Variants in EML6 observed in about 807,000 individuals in gnomAD.
EML6 encodes echinoderm microtubule-associated protein-like 6.
A neutral mutation model predicts 240.1 loss-of-function variants in EML6; 154 were observed. The ratio of observed to expected loss-of-function variants is 0.64; its 90% CI spans 0.56 to 0.73. The LOEUF (loss-of-function observed/expected upper bound fraction) is 0.73, where lower values mean the gene tolerates loss of function less well. Among genes scored for constraint, EML6 ranks in the 30% least tolerant of loss-of-function variants. The pLI is 0.00. For missense variants in EML6, 2,964 were observed against 2,474.6 expected (o/e 1.20, Z -4.20); for synonymous variants, 1,148 against 899.0 (o/e 1.28, Z -4.95).
chr2:54,953,215 G>A (rs1239716730), intron 31 of EML6, among the ~76,000 whole-genome samples: 1 of 152,146 alleles, frequency 6.6e-6, no homozygotes, highest in African/African-American at 2.4e-5. Context: ...GGTGTTGAGT[G>A]CTTCACTGTT....
At chr2:54,859,042 T>C (rs975626874) in intron 11 of EML6, among the ~76,000 whole-genome samples, 3 of 152,210 alleles carry the variant, frequency 2.0e-5, no homozygotes, top group African/African-American at 7.2e-5. Flanking sequence ...AGTAGCTTTT[T>C]CTATTGCACT....
chr2:54,952,382 T>C (rs919284921), intron 30 of EML6, among the ~76,000 whole-genome samples: 2 of 152,060 alleles, frequency 1.3e-5, no homozygotes, highest in Non-Finnish European at 2.9e-5. Context: ...TAACAGACAG[T>C]AGCTCCCCTT....
chr2:54,916,943 T>C lies in EML6; in HGVS notation c.3675+8T>C. 1 of 1,522,924 alleles carries C rather than the reference T, an allele frequency of 6.6e-7. No individual in the cohort carries two copies. The highest frequency in any genetic ancestry group is 8.9e-7 in the Non-Finnish European group (1 of 1,122,614). 94.3% of individuals were successfully genotyped at this position (1,522,924 alleles called of 1,614,324 possible). A position where few individuals can be genotyped will look rare whatever the true frequency, so the allele number is the denominator to read the frequency against. On this transcript the variant is annotated splice_region_variant and intron_variant, in intron 26 of 41. Coordinates refer to ENST00000356458, the MANE Select transcript of EML6 (RefSeq NM_001039753.4). Reference sequence around the variant, plus strand: ...TTTTCATATCCTGTCAAGGTAATATTGCGTGTTTATTATCTTTACTTGCTC... The same window carrying C: ...TTTTCATATCCTGTCAAGGTAATATCGCGTGTTTATTATCTTTACTTGCTC...
intron 41 of EML6, among the ~76,000 whole-genome samples, chr2:54,969,117 G>A (rs935478540): frequency 2.6e-5 from 4 of 152,124 alleles, no homozygotes; most frequent in African/African-American, 9.7e-5. Flanking sequence ...TGCATAATCA[G>A]GAGGTTAGAA....
chr2:54,786,448 G>A (rs1053777243), intron 2 of EML6, among the ~76,000 whole-genome samples: 12 of 152,126 alleles, frequency 7.9e-5, no homozygotes, highest in Non-Finnish European at 1.5e-4. Flanking sequence ...ACCACACAAC[G>A]GAGAACAGTG....
At chr2:54,803,635 A>G (rs1015437964) in intron 2 of EML6, among the ~76,000 whole-genome samples, 3 of 152,126 alleles carry the variant, frequency 2.0e-5, no homozygotes, top group Non-Finnish European at 4.4e-5. Context: ...TTAAAGATGA[A>G]CTCTGCATGA....
chr2:54,748,604 C>G (rs953580380), intron 2 of EML6, among the ~76,000 whole-genome samples: 1 of 151,968 alleles, frequency 6.6e-6, no homozygotes, highest in African/African-American at 2.4e-5. Flanking sequence ...CTGTAGCCTA[C>G]ACTGGAGTGC....
At position 54,943,230 on chromosome 2, in the gene EML6, G is replaced by A. The variant is rs192007806; in HGVS notation, c.4005-5652G>A. On this transcript the variant is annotated intron_variant, in intron 28 of 41. Coordinates refer to ENST00000356458, the MANE Select transcript of EML6 (RefSeq NM_001039753.4). ...ATTTTGCTTCCCATCCTTCACTCACGTAAGCCATTCACCTTCTTCCCTCTC... is the reference window on the plus strand; with the variant it reads ...ATTTTGCTTCCCATCCTTCACTCACATAAGCCATTCACCTTCTTCCCTCTC... Among the ~76,000 whole-genome samples, 128 of 152,002 alleles carry A rather than the reference G, an allele frequency of 8.4e-4. No individual in the cohort carries two copies. The Middle Eastern group carries it at 0.01, about 12-fold the overall frequency.
At chr2:54,944,376 C>T (rs956436882) in intron 28 of EML6, among the ~76,000 whole-genome samples, 6 of 152,156 alleles carry the variant, frequency 3.9e-5, no homozygotes, top group Non-Finnish European at 8.8e-5. Flanking sequence ...TACTTCATCC[C>T]CTAAAGACTC....
intron 26 of EML6, among the ~76,000 whole-genome samples, chr2:54,921,797 G>A (rs1222876575): frequency 6.6e-6 from 1 of 152,064 alleles, no homozygotes; most frequent in Admixed American, 6.6e-5. Flanking sequence ...GTCCATCTTT[G>A]ACAAGGATAC....
At chr2:54,825,160 A>G (rs1380624133) in intron 5 of EML6, among the ~76,000 whole-genome samples, 1 of 152,160 alleles carries the variant, frequency 6.6e-6, no homozygotes, top group Non-Finnish European at 1.5e-5. Flanking sequence ...CGGGGGGTGT[A>G]TATCCAAAGT....
chr2:54,727,091 C>T (rs774823438), intron 2 of EML6, among the ~76,000 whole-genome samples: 4 of 152,100 alleles, frequency 2.6e-5, no homozygotes, highest in Non-Finnish European at 5.9e-5. Flanking sequence ...TGAAATCTAG[C>T]TTGGGTGGTT....
rs1420973981 is a variant in EML6, at chr2:54,869,213, T to C, written c.2084T>C (p.Phe695Ser). Residue 695 changes from phenylalanine to serine, a missense_variant, in exon 15 of 42, where the codon TTC (phenylalanine) becomes TCC (serine). Coordinates refer to ENST00000356458, the MANE Select transcript of EML6 (RefSeq NM_001039753.4). ...GGCTACGACTGTAGAAACAATCTGT[T>C]CTACACACAAGCTGGAGAAGTAGTC... ...YRGYDCRNNL[F>S]YTQAGEVVYH... 3 of 1,551,700 alleles carry C rather than the reference T, an allele frequency of 1.9e-6. No individual in the cohort carries two copies. Among genetic ancestry groups the C allele is most frequent in the Non-Finnish European group, 2.6e-6 (3 of 1,146,960 alleles).
chr2:54,792,217 T>C (rs1168224304), intron 2 of EML6, among the ~76,000 whole-genome samples: 1 of 152,262 alleles, frequency 6.6e-6, no homozygotes, highest in Non-Finnish European at 1.5e-5. Flanking sequence ...ATTTCTATTG[T>C]GTTGGGCAGA....
At chr2:54,807,396 C>A (rs73935227) in intron 2 of EML6, among the ~76,000 whole-genome samples, 54 of 152,188 alleles carry the variant, frequency 3.5e-4, no homozygotes, top group African/African-American at 1.3e-3. Context: ...TATATATTCA[C>A]AATGTAACAG....
chr2:54,901,606 G>A (rs1011364106), intron 22 of EML6, among the ~76,000 whole-genome samples: 2 of 152,268 alleles, frequency 1.3e-5, no homozygotes, highest in African/African-American at 2.4e-5. Context: ...ACTCTCAAAC[G>A]TGTCTTGGTC....
chr2:54,788,893 T>A (rs1021215010), intron 2 of EML6, among the ~76,000 whole-genome samples: 8 of 152,230 alleles, frequency 5.3e-5, no homozygotes, highest in African/African-American at 1.9e-4. Context: ...TTCTGACTGG[T>A]TGGAGTTCCA....
chr2:54,884,775 C>T (rs145446199), intron 17 of EML6, among the ~76,000 whole-genome samples: 253 of 152,292 alleles, frequency 1.7e-3, no homozygotes, highest in African/African-American at 5.7e-3. Context: ...TCTTTTATCT[C>T]TAGGAAATAT....
chr2:54,826,037 C>T (rs993362), intron 5 of EML6, among the ~76,000 whole-genome samples: 22,216 of 152,196 alleles, frequency 0.15, 1,825 homozygotes, highest in Admixed American at 0.26. Context: ...TCCTGCCACC[C>T]GGGCACAGTC....
Sources: gnomAD v4.1 joint callset for allele counts (sites outside exome capture counted in the v4.1 genomes callset) on GRCh38, gnomAD v4.1.1 for gene constraint, MANE v1.5 for transcripts, NCBI Gene and HGNC (gene_info 2026-07-23, HGNC 2026-07-21) for gene names.